The following DLG2 variants were observed in gnomAD, a reference collection of about 807,000 sequenced individuals.
The protein encoded by DLG2 is disks large homolog 2.
A neutral mutation model predicts 132.5 loss-of-function variants in DLG2; 45 were observed. That is an observed-to-expected ratio of 0.34 (90% CI 0.27 to 0.44). DLG2 has a LOEUF of 0.44. Ranked by LOEUF, DLG2 falls within the 20% of genes least tolerant of loss-of-function variation. DLG2 has a pLI of 1.00. For synonymous variants in DLG2, 424 were observed against 419.6 expected (o/e 1.01, Z -0.13); for missense variants, 1,045 against 1,196.9 (o/e 0.87, Z 1.87).
At position 85,061,427 on chromosome 11, in the gene DLG2, A is replaced by G. The variant is rs140461278; in HGVS notation, c.357+50234T>C. Among the ~76,000 whole-genome samples, 383 of 151,942 alleles carry G rather than the reference A, an allele frequency of 2.5e-3. 3 individuals carry two copies. Among genetic ancestry groups the G allele is most frequent in the Non-Finnish European group, 4.0e-3 (271 of 67,878 alleles). ...TATTTGGCCTAGATGAGTTACAGAA[A>G]CAAAATTTGCAACTTGAATTTCTCA... On this transcript the variant is annotated intron_variant, in intron 6 of 27. Transcript: ENST00000376104.
At chr11:84,509,241 G>A (rs1199843160) in intron 7 of DLG2, among the ~76,000 whole-genome samples, 1 of 152,114 alleles carries the variant, frequency 6.6e-6, no homozygotes, top group Non-Finnish European at 1.5e-5. Flanking sequence ...TTAGATAAAG[G>A]GAATTAGAAA....
intron 8 of DLG2, among the ~76,000 whole-genome samples, chr11:84,186,015 C>CT (rs1328345724): frequency 6.6e-6 from 1 of 152,080 alleles, no homozygotes; most frequent in Non-Finnish European, 1.5e-5. Flanking sequence ...ATGATTGTTT[C>CT]TAATTAGAAG....
Position 84,373,216 on chromosome 11 carries a change from T to C in DLG2, c.520-121925A>G, listed in dbSNP as rs1034362501. On this transcript the variant is annotated intron_variant, in intron 7 of 27. Coordinates refer to ENST00000376104, the MANE Select transcript of DLG2 (RefSeq NM_001142699.3). ...GATCTCAACAATGTTACTTAATTTC[T>C]CTAAACTTTGTTTTTTCCAATTAAG... Among the ~76,000 whole-genome samples the C allele has an allele frequency of 2.9e-5, 4 of 137,320 alleles. No individual in the cohort carries two copies. The East Asian group carries it at 8.2e-4, about 28-fold the overall frequency. The allele number at this position is 137,320 out of a possible 152,430, so 90.1% of individuals were successfully genotyped here.
At chr11:84,738,708 A>G (rs774124570) in intron 6 of DLG2, among the ~76,000 whole-genome samples, 4 of 152,166 alleles carry the variant, frequency 2.6e-5, no homozygotes, top group Non-Finnish European at 4.4e-5. Context: ...ACCACTTTGG[A>G]AAACAGCTTG....
At chr11:85,042,480 T>G (rs1167624675) in intron 6 of DLG2, among the ~76,000 whole-genome samples, 2 of 151,974 alleles carry the variant, frequency 1.3e-5, no homozygotes, top group African/African-American at 4.8e-5. Flanking sequence ...TAAAATGGGT[T>G]AATTAATCTG....
At chr11:84,388,135 A>C (rs1271450374) in intron 7 of DLG2, among the ~76,000 whole-genome samples, 3 of 152,212 alleles carry the variant, frequency 2.0e-5, no homozygotes, top group African/African-American at 7.2e-5. Flanking sequence ...CTCACTGACA[A>C]ACATATATTC....
chr11:84,748,256 C>A (rs150248376), intron 6 of DLG2, among the ~76,000 whole-genome samples: 1 of 152,266 alleles, frequency 6.6e-6, no homozygotes, highest in African/African-American at 2.4e-5. Context: ...CCCCAACATG[C>A]CAATTGGTCT....
At chr11:83,670,735 G>T (rs2076697970) in intron 18 of DLG2, among the ~76,000 whole-genome samples, 1 of 152,068 alleles carries the variant, frequency 6.6e-6, no homozygotes, top group Admixed American at 6.6e-5. Context: ...GGGTAACTAA[G>T]AACTCTGAAG....
intron 4 of DLG2, among the ~76,000 whole-genome samples, chr11:85,216,303 G>A (rs950999253): frequency 1.1e-4 from 17 of 152,060 alleles, no homozygotes; most frequent in African/African-American, 3.9e-4. Flanking sequence ...CTTATTTATA[G>A]CAAAAGCAGA....
chr11:84,422,372 C>G (rs546446325), intron 7 of DLG2, among the ~76,000 whole-genome samples: 3 of 152,258 alleles, frequency 2.0e-5, no homozygotes, highest in African/African-American at 7.2e-5. Context: ...CAGTTCTGGG[C>G]ACATTGGTCA....
At chr11:84,733,429 T>C (rs945320488) in intron 6 of DLG2, among the ~76,000 whole-genome samples, 3 of 152,252 alleles carry the variant, frequency 2.0e-5, no homozygotes, top group Admixed American at 1.3e-4. Flanking sequence ...GTTGGCTGCA[T>C]AAATGTCTTC....
At chr11:85,039,781 T>G (rs1042819256) in intron 6 of DLG2, among the ~76,000 whole-genome samples, 1 of 151,976 alleles carries the variant, frequency 6.6e-6, no homozygotes, top group African/African-American at 2.4e-5. Flanking sequence ...AGCCCCTTGA[T>G]GGTATATATC....
chr11:85,193,007 T>G (rs950516232), intron 4 of DLG2, among the ~76,000 whole-genome samples: 2 of 152,168 alleles, frequency 1.3e-5, no homozygotes, highest in Non-Finnish European at 2.9e-5. Context: ...TTCAGTATAT[T>G]ACCATTATCC....
Position 84,534,724 on chromosome 11 carries a change from C to T in DLG2, c.365G>A (p.Arg122Gln), listed in dbSNP as rs150043290. 65 of 1,613,822 alleles carry T rather than the reference C, an allele frequency of 4.0e-5. No individual in the cohort carries two copies. Among genetic ancestry groups the T allele is most frequent in the Non-Finnish European group, 5.2e-5 (61 of 1,179,884 alleles). ...WMPVHHCTKYRYQDEDAPHDH... is the reference protein window; with the variant it reads ...WMPVHHCTKYQYQDEDAPHDH... ...ATGTGGAGCGTCCTCATCTTGATATCGATACTTCTAGGAGAAAAGAAAAGA... is the reference window on the plus strand; with the variant it reads ...ATGTGGAGCGTCCTCATCTTGATATTGATACTTCTAGGAGAAAAGAAAAGA... The change falls in exon 7 of 28, where the codon CGA (arginine) becomes CAA (glutamine). Residue 122 changes from arginine to glutamine, a missense_variant. Physicochemically the swap from Arg to Gln is conservative, Grantham distance 43. Coordinates refer to ENST00000376104, the MANE Select transcript of DLG2 (RefSeq NM_001142699.3).
At chr11:83,653,943 A>G (rs1018647671) in intron 18 of DLG2, among the ~76,000 whole-genome samples, 16 of 151,978 alleles carry the variant, frequency 1.1e-4, no homozygotes, top group African/African-American at 3.6e-4. Context: ...TCGTCTCAAA[A>G]TCCTGACCTC....
chr11:84,172,131 G>A (rs909555567), intron 8 of DLG2, among the ~76,000 whole-genome samples: 1 of 152,156 alleles, frequency 6.6e-6, no homozygotes, highest in Non-Finnish European at 1.5e-5. Flanking sequence ...TAAACACTTA[G>A]TAGTAAGCAA....
intron 7 of DLG2, among the ~76,000 whole-genome samples, chr11:84,462,449 T>C (rs2099082873): frequency 6.6e-6 from 1 of 151,166 alleles, no homozygotes; most frequent in Non-Finnish European, 1.5e-5. Context: ...CTTTTAAGCA[T>C]GTACATAAAT....
chr11:84,234,728 A>G (rs980641509), intron 8 of DLG2, among the ~76,000 whole-genome samples: 6 of 152,208 alleles, frequency 3.9e-5, no homozygotes, highest in Non-Finnish European at 7.3e-5. Context: ...TTACAATAGA[A>G]GACTGACAAA....
intron 19 of DLG2, among the ~76,000 whole-genome samples, chr11:83,620,469 C>T (rs2061449905): frequency 6.6e-6 from 1 of 151,998 alleles, no homozygotes; most frequent in South Asian, 2.1e-4. Context: ...ATCAGCTTAT[C>T]ACAGAAGATG....
Sources: gnomAD v4.1 joint callset for allele counts (sites outside exome capture counted in the v4.1 genomes callset) on GRCh38, gnomAD v4.1.1 for gene constraint, MANE v1.5 for transcripts, NCBI Gene and HGNC (gene_info 2026-07-23, HGNC 2026-07-21) for gene names.